RAB3C: variants seen among roughly 807,000 people sequenced by gnomAD.
RAB3C encodes RAB3C, member RAS oncogene family, also known as ras-related protein Rab-3C.
A neutral mutation model predicts 26.4 loss-of-function variants in RAB3C; 17 were observed. That is an observed-to-expected ratio of 0.64 (90% CI 0.44 to 0.97). The LOEUF (loss-of-function observed/expected upper bound fraction) is 0.97. Among genes scored for constraint, RAB3C ranks in the 50% least tolerant of loss-of-function variants. The pLI is 0.00. For synonymous variants in RAB3C, 91 were observed against 95.9 expected, an observed-to-expected ratio of 0.95 and a Z score of 0.30; for missense variants, 242 against 281.9, an observed-to-expected ratio of 0.86 and a Z score of 1.01.
At chr5:58,698,724 G>A (rs1370122440) in intron 2 of RAB3C, among the ~76,000 whole-genome samples, 1 of 152,048 alleles carries the variant, frequency 6.6e-6, no homozygotes, top group Non-Finnish European at 1.5e-5. Context: ...GTTGGCTATT[G>A]AAGCTTGTGC....
At chr5:58,736,624 A>G (rs1344077236) in intron 3 of RAB3C, among the ~76,000 whole-genome samples, 1 of 152,196 alleles carries the variant, frequency 6.6e-6, no homozygotes, top group Non-Finnish European at 1.5e-5. Context: ...TCTTCACATT[A>G]TCTTTTCTAT....
chr5:58,796,977 G>A (rs541232545), intron 3 of RAB3C, among the ~76,000 whole-genome samples: 7 of 98,102 alleles, frequency 7.1e-5, no homozygotes, highest in Non-Finnish European at 9.8e-5. Flanking sequence ...TTTCATTTCT[G>A]ACCCACTACA....
At chr5:58,639,273 G>A (rs1422095005) in intron 2 of RAB3C, among the ~76,000 whole-genome samples, 2 of 152,276 alleles carry the variant, frequency 1.3e-5, no homozygotes, top group East Asian at 3.9e-4. Flanking sequence ...GATACATTAT[G>A]AAGGTATGCA....
chr5:58,625,153 C>G (rs1480331454), intron 2 of RAB3C, among the ~76,000 whole-genome samples: 1 of 152,168 alleles, frequency 6.6e-6, no homozygotes, highest in East Asian at 1.9e-4. Flanking sequence ...CTGCTGCACC[C>G]TTTCTCTATA....
At chr5:58,823,010 G>C (rs1422376558) in intron 3 of RAB3C, 2 of 613,136 alleles carry the variant, frequency 3.3e-6, no homozygotes, top group Non-Finnish European at 6.2e-6. Flanking sequence ...GGGAGCTGTT[G>C]ATAAAGGCTG....
At chr5:58,767,507 A>G (rs1298247773) in intron 3 of RAB3C, among the ~76,000 whole-genome samples, 1 of 152,236 alleles carries the variant, frequency 6.6e-6, no homozygotes, top group Non-Finnish European at 1.5e-5. Context: ...CTGAATTCAA[A>G]AAGAAGAGAA....
intron 3 of RAB3C, chr5:58,794,164 C>T (rs1361854782): frequency 6.6e-6 from 1 of 152,074 alleles, no homozygotes; most frequent in African/African-American, 2.4e-5. Context: ...ATTCACAGTG[C>T]TTTTTACACC....
intron 2 of RAB3C, among the ~76,000 whole-genome samples, chr5:58,629,989 G>A (rs757513281): frequency 1.3e-5 from 2 of 152,302 alleles, no homozygotes; most frequent in Middle Eastern, 3.4e-3. Flanking sequence ...GTTGCTGCAG[G>A]TTGTGGGTCA....
At chr5:58,687,039 T>C (rs1010033619) in intron 2 of RAB3C, among the ~76,000 whole-genome samples, 1 of 152,116 alleles carries the variant, frequency 6.6e-6, no homozygotes, top group African/African-American at 2.4e-5. Flanking sequence ...AAGGACTTTT[T>C]CCTTTGCTAA....
intron 2 of RAB3C, among the ~76,000 whole-genome samples, chr5:58,671,366 G>A (rs1244171608): frequency 1.3e-5 from 2 of 152,126 alleles, no homozygotes; most frequent in African/African-American, 4.8e-5. Flanking sequence ...GCACAGTGAG[G>A]CTTCAAAACG....
intron 2 of RAB3C, among the ~76,000 whole-genome samples, chr5:58,674,701 T>C (rs912817451): frequency 2.2e-4 from 33 of 152,198 alleles, no homozygotes; most frequent in African/African-American, 8.0e-4. Context: ...AATTGAATAA[T>C]ACAGTGTATT....
chr5:58,822,814 C>T lies in RAB3C; in HGVS notation c.372-2224C>T, dbSNP rs998785970. The T allele has an allele frequency of 4.9e-5, 30 of 612,712 alleles. No homozygotes were observed. The African/African-American group carries it at 5.5e-4, about 11-fold the overall frequency. The allele number at this position is 612,712 out of a possible 1,614,324, so 38.0% of individuals were successfully genotyped here. A position where few individuals can be genotyped will look rare whatever the true frequency, so the allele number is the denominator to read the frequency against. Reference sequence around the variant, plus strand: ...ATTATGCTGCAGCACATTATACTGGCCTGCCACTGGCCCACGGGCTTCTCG... The same window carrying T: ...ATTATGCTGCAGCACATTATACTGGTCTGCCACTGGCCCACGGGCTTCTCG... On this transcript the variant is annotated intron_variant, in intron 3 of 4. Transcript: ENST00000282878.
At chr5:58,791,904 T>G (rs1742532029) in intron 3 of RAB3C, among the ~76,000 whole-genome samples, 1 of 152,268 alleles carries the variant, frequency 6.6e-6, no homozygotes, top group South Asian at 2.1e-4. Flanking sequence ...GGCACTGGCC[T>G]TCCATGTAAC....
At chr5:58,618,300 G>T (rs1441115957) in intron 2 of RAB3C, among the ~76,000 whole-genome samples, 3 of 152,086 alleles carry the variant, frequency 2.0e-5, no homozygotes, top group Non-Finnish European at 4.4e-5. Flanking sequence ...GCATTTCAAA[G>T]AAGAAGATAA....
intron 4 of RAB3C, among the ~76,000 whole-genome samples, chr5:58,843,693 A>G (rs1743925465): frequency 6.6e-6 from 1 of 152,192 alleles, no homozygotes; most frequent in Non-Finnish European, 1.5e-5. Context: ...GAGTAAATAG[A>G]GCTGGTTTAA....
At chr5:58,697,117 G>A (rs962846425) in intron 2 of RAB3C, among the ~76,000 whole-genome samples, 19 of 152,278 alleles carry the variant, frequency 1.2e-4, no homozygotes, top group East Asian at 9.6e-4. Flanking sequence ...GTTCTGGTAC[G>A]TTGTGTCTTT....
chr5:58,653,407 A>G (rs1020366624), intron 2 of RAB3C, among the ~76,000 whole-genome samples: 1 of 152,234 alleles, frequency 6.6e-6, no homozygotes. Flanking sequence ...TCAAGGATCT[A>G]GAACCAGAAA....
In RAB3C at chr5:58,617,706, A is replaced by G. The variant is rs1338199896; in HGVS notation, c.88A>G (p.Met30Val). 2.7e-5 allele frequency: 44 copies of G among 1,613,892 alleles called. No individual in the cohort carries two copies. Among genetic ancestry groups the G allele is most frequent in the Non-Finnish European group, 3.6e-5 (43 of 1,179,922 alleles). The change falls in exon 2 of 5, where the codon ATG becomes GTG. Residue 30 changes from methionine (M) to valine (V), a missense_variant. Physicochemically the swap from Met to Val is conservative, Grantham distance 21. Transcript: ENST00000282878. ...CTCCTCTGATCAGAACTTTGACTACATGTTCAAATTACTCATCATCGGCAA... is the reference window on the plus strand; with the variant it reads ...CTCCTCTGATCAGAACTTTGACTACGTGTTCAAATTACTCATCATCGGCAA... ...KDSSDQNFDY[M>V]FKLLIIGNSS...
At chr5:58,615,333 C>T (rs1746800967) in intron 1 of RAB3C, among the ~76,000 whole-genome samples, 2 of 152,112 alleles carry the variant, frequency 1.3e-5, no homozygotes, top group South Asian at 4.1e-4. Context: ...ACATTCTTAC[C>T]AGACCCCCAA....
Sources: allele counts gnomAD v4.1 joint callset (sites outside exome capture counted in the v4.1 genomes callset), GRCh38; gene constraint gnomAD v4.1.1; transcripts MANE v1.5; gene names NCBI Gene and HGNC (gene_info 2026-07-23, HGNC 2026-07-21).